The following RBL1 variants were observed in gnomAD, a reference collection of about 807,000 sequenced individuals.
RBL1 encodes the protein RB transcriptional corepressor like 1, also known as retinoblastoma-like protein 1.
In RBL1, 82 loss-of-function variants were observed where a neutral mutation model predicts 123.0. The observed-to-expected ratio is 0.67, with a 90% CI of 0.56 to 0.80. The LOEUF is 0.80. Among genes scored for constraint, RBL1 ranks in the 30% least tolerant of loss-of-function variants. RBL1 has a pLI of 0.00. For missense variants in RBL1, 1,171 were observed against 1,299.6 expected, an observed-to-expected ratio of 0.90 and a Z score of 1.52; for synonymous variants, 405 against 441.3, an observed-to-expected ratio of 0.92 and a Z score of 1.03.
intron 2 of RBL1, among the ~76,000 whole-genome samples, chr20:37,081,349 C>T (rs1210737785): frequency 6.6e-6 from 1 of 152,032 alleles, no homozygotes; most frequent in Non-Finnish European, 1.5e-5. Flanking sequence ...TAAAGTAAAC[C>T]TTGGCTGGTG....
At chr20:37,075,005 G>A (rs1163517021) in intron 2 of RBL1, among the ~76,000 whole-genome samples, 1 of 152,184 alleles carries the variant, frequency 6.6e-6, no homozygotes, top group Non-Finnish European at 1.5e-5. Context: ...ACAAAATGTG[G>A]TATATCTATG....
chr20:37,012,575 G>A (rs2064173280), intron 19 of RBL1, among the ~76,000 whole-genome samples: 1 of 150,854 alleles, frequency 6.6e-6, no homozygotes, highest in African/African-American at 2.5e-5. Context: ...GGGAGGTGAG[G>A]AGCGTCTCTG....
chr20:37,001,250 C>G (rs543355939), intron 21 of RBL1, among the ~76,000 whole-genome samples: 1 of 151,968 alleles, frequency 6.6e-6, no homozygotes, highest in African/African-American at 2.4e-5. Flanking sequence ...ACCACCCCGT[C>G]TGGGAGGTGT....
intron 14 of RBL1, among the ~76,000 whole-genome samples, chr20:37,039,532 C>G (rs2064686165): frequency 6.6e-6 from 1 of 152,092 alleles, no homozygotes; most frequent in Admixed American, 6.6e-5. Flanking sequence ...AGAGGAGTTC[C>G]CCTGCACAAG....
At chr20:37,045,834 A>C (rs1456232274) in intron 12 of RBL1, among the ~76,000 whole-genome samples, 1 of 152,206 alleles carries the variant, frequency 6.6e-6, no homozygotes, top group Admixed American at 6.5e-5. Flanking sequence ...ACTTTAATTC[A>C]GGCATACTTT....
intron 15 of RBL1, 25 bp downstream of exon 15, chr20:37,035,217 C>A: frequency 6.4e-7 from 1 of 1,565,966 alleles, no homozygotes; most frequent in Non-Finnish European, 8.7e-7. Flanking sequence ...AGAAAAAGTA[C>A]AAAACAAATG....
chr20:37,077,786 T>TG (rs2065388633), intron 2 of RBL1, among the ~76,000 whole-genome samples: 1 of 121,680 alleles, frequency 8.2e-6, no homozygotes. Flanking sequence ...TTCTATTTTC[T>TG]GAAAAAAAAA....
chr20:37,036,832 A>C (rs913582805), intron 14 of RBL1, among the ~76,000 whole-genome samples: 1 of 151,880 alleles, frequency 6.6e-6, no homozygotes, highest in African/African-American at 2.4e-5. Flanking sequence ...TCACCGTGTT[A>C]GCCAGGATGG....
intron 21 of RBL1, among the ~76,000 whole-genome samples, chr20:37,001,295 A>C (rs2063975698): frequency 6.6e-6 from 1 of 151,976 alleles, no homozygotes; most frequent in Non-Finnish European, 1.5e-5. Flanking sequence ...CCATGATGAC[A>C]ATGGCGGTTT....
At chr20:37,042,904 C>T (rs888230595) in intron 13 of RBL1, among the ~76,000 whole-genome samples, 1 of 77,716 alleles carries the variant, frequency 1.3e-5, no homozygotes, top group African/African-American at 6.6e-5. Context: ...GTCCCCCCCC[C>T]TCCAAAAAAA....
intron 21 of RBL1, among the ~76,000 whole-genome samples, chr20:37,000,784 C>G (rs1221915734): frequency 2.8e-5 from 4 of 141,644 alleles, no homozygotes; most frequent in Admixed American, 1.4e-4. Context: ...GGGTCAGCCC[C>G]CCGCCCGGCC....
rs6093786 is a variant in RBL1, at chr20:37,003,942, G to C, written c.2872-76C>G. ...TTGAATCCCATATTTTTATTCTTATGGTATCTTCTAGTTAGAAAACAGTTA... is the reference window on the plus strand; with the variant it reads ...TTGAATCCCATATTTTTATTCTTATCGTATCTTCTAGTTAGAAAACAGTTA... On this transcript the variant is annotated intron_variant, in intron 20 of 21. Transcript: ENST00000373664. 8.3e-3 allele frequency: 11,014 copies of C among 1,323,438 alleles called. 318 individuals are homozygous for C. Among genetic ancestry groups the C allele is most frequent in the African/African-American group, 0.083 (5,507 of 66,480 alleles). The allele number at this position is 1,323,438 out of a possible 1,614,324, so 82.0% of individuals were successfully genotyped here.
chr20:37,075,282 G>C (rs1022049889), intron 2 of RBL1, among the ~76,000 whole-genome samples: 8 of 152,118 alleles, frequency 5.3e-5, no homozygotes, highest in Non-Finnish European at 1.2e-4. Context: ...ATGGATTGTG[G>C]TGGTGGTACA....
intron 2 of RBL1, among the ~76,000 whole-genome samples, chr20:37,070,492 A>C (rs2065267464): frequency 1.3e-5 from 2 of 151,994 alleles, no homozygotes; most frequent in Non-Finnish European, 1.5e-5. Context: ...TTAAAAAAAA[A>C]AACATAAAAT....
intron 20 of RBL1, 105 bp downstream of exon 20, chr20:37,007,306 T>C: frequency 8.3e-7 from 1 of 1,200,658 alleles, no homozygotes; most frequent in East Asian, 2.4e-5. Context: ...ATGCTCTGAT[T>C]AATTGCTAGT....
At chr20:37,083,645 A>AAAAAAAAAAAAAAC (rs1568891870) in intron 2 of RBL1, among the ~76,000 whole-genome samples, 1 of 146,438 alleles carries the variant, frequency 6.8e-6, no homozygotes, top group African/African-American at 2.5e-5. Context: ...AAAAAAAAAA[A>AAAAAAAAAAAAAAC]AAAAAAAAAT....
At chr20:37,051,868 T>C (rs1487639962) in intron 11 of RBL1, among the ~76,000 whole-genome samples, 1 of 151,248 alleles carries the variant, frequency 6.6e-6, no homozygotes, top group South Asian at 2.1e-4. Context: ...AACTACACAC[T>C]GACTATAAGA....
chr20:37,057,287 A>G (rs1262796051), intron 9 of RBL1, among the ~76,000 whole-genome samples: 1 of 152,208 alleles, frequency 6.6e-6, no homozygotes, highest in Non-Finnish European at 1.5e-5. Context: ...ACTGTTTTCC[A>G]TAGTGGCTGC....
At chr20:37,088,265 CAAA>C (rs1201898782) in intron 2 of RBL1, among the ~76,000 whole-genome samples, 4 of 53,612 alleles carry the variant, frequency 7.5e-5, no homozygotes, top group Admixed American at 2.0e-4. Flanking sequence ...AACTCCATCT[CAAA>C]AAAAAAAAAA....
Sources: allele counts gnomAD v4.1 joint callset (sites outside exome capture counted in the v4.1 genomes callset), GRCh38; gene constraint gnomAD v4.1.1; transcripts MANE v1.5; gene names NCBI Gene and HGNC (gene_info 2026-07-23, HGNC 2026-07-21).